FAR2: variants seen among roughly 807,000 people sequenced by gnomAD.
The protein encoded by FAR2 is fatty acyl-CoA reductase 2, also known as epididymis secretory protein Li 81.
In FAR2, 19 loss-of-function variants were observed where a neutral mutation model predicts 56.0. The ratio of observed to expected loss-of-function variants is 0.34; its 90% CI spans 0.24 to 0.50. The LOEUF is 0.50. FAR2 is among the 20% of genes least tolerant of loss of function. The probability of loss-of-function intolerance (pLI) is 0.98; values close to 1 mark genes in which losing one functional copy is unlikely to be tolerated. For synonymous variants in FAR2, 219 were observed against 218.8 expected, an observed-to-expected ratio of 1.00 and a Z score of -0.01; for missense variants, 508 against 642.2, an observed-to-expected ratio of 0.79 and a Z score of 2.26.
In FAR2 at chr12:29,181,284, T is replaced by C. The variant is rs570435246; in HGVS notation, c.-39+31877T>C. ...CTTATTAAACACCTCCTTTGAGTCA[T>C]TAAGGCTAAAATAGTATCATTAATA... On this transcript the variant is annotated intron_variant, in intron 1 of 11. Coordinates refer to ENST00000536681, the MANE Select transcript of FAR2 (RefSeq NM_001271783.2). Among the ~76,000 whole-genome samples, 125 of 152,320 alleles carry C rather than the reference T, an allele frequency of 8.2e-4. 1 individual carries two copies. Among genetic ancestry groups the C allele is most frequent in the African/African-American group, 2.8e-3 (118 of 41,554 alleles).
At chr12:29,273,963 C>A (rs761820927) in intron 2 of FAR2, among the ~76,000 whole-genome samples, 8 of 152,178 alleles carry the variant, frequency 5.3e-5, no homozygotes, top group Non-Finnish European at 8.8e-5. Flanking sequence ...GTGGGTCACA[C>A]CAGCCTTCTA....
intron 10 of FAR2, among the ~76,000 whole-genome samples, chr12:29,329,050 AATATT>A (rs753298947): frequency 9.6e-4 from 146 of 152,264 alleles, no homozygotes; most frequent in Admixed American, 3.8e-3. Flanking sequence ...AAATACAATA[AATATT>A]ATATTAGGCA....
At position 29,275,075 on chromosome 12, in the gene FAR2, G is replaced by A. The variant is rs140880722; in HGVS notation, c.189+4437G>A. The stretch of plus-strand genomic sequence containing the variant: ...CAGGTTGGCACCAAATTTCATGCGC[G>A]TCCATGTGAAGAGACCACCAAACAG... On this transcript the variant is annotated intron_variant, in intron 2 of 11. Coordinates refer to ENST00000536681, the MANE Select transcript of FAR2 (RefSeq NM_001271783.2). Among the ~76,000 whole-genome samples, 444 of 148,672 alleles carry A rather than the reference G, an allele frequency of 3.0e-3. 3 individuals carry two copies. Among genetic ancestry groups the A allele is most frequent in the Non-Finnish European group, 3.7e-3 (251 of 67,492 alleles).
chr12:29,299,810 T>G (rs1949132360), intron 4 of FAR2, among the ~76,000 whole-genome samples: 1 of 152,038 alleles, frequency 6.6e-6, no homozygotes, highest in South Asian at 2.1e-4. Flanking sequence ...ACTCTGTTTG[T>G]CCCTAGAGCT....
chr12:29,233,580 G>T (rs1230652905), intron 1 of FAR2, among the ~76,000 whole-genome samples: 1 of 152,186 alleles, frequency 6.6e-6, no homozygotes, highest in Non-Finnish European at 1.5e-5. Flanking sequence ...ATTAGTAGAT[G>T]TCTCTCCTCG....
At chr12:29,186,169 AT>A (rs1032364528) in intron 1 of FAR2, among the ~76,000 whole-genome samples, 2 of 152,140 alleles carry the variant, frequency 1.3e-5, no homozygotes, top group Non-Finnish European at 2.9e-5. Context: ...TTAATGAGAT[AT>A]TTTTTGTGCT....
chr12:29,284,986 C>T (rs1223742218), intron 2 of FAR2, among the ~76,000 whole-genome samples: 3 of 152,006 alleles, frequency 2.0e-5, no homozygotes, highest in South Asian at 2.1e-4. Context: ...GGACTACAGG[C>T]GCCCGCCACC....
intron 4 of FAR2, among the ~76,000 whole-genome samples, chr12:29,300,426 TAA>T (rs1949144347): frequency 6.6e-6 from 1 of 152,234 alleles, no homozygotes. Context: ...ATAACAACAT[TAA>T]AAATCATTCT....
intron 1 of FAR2, among the ~76,000 whole-genome samples, chr12:29,269,621 G>A (rs1948579556): frequency 6.6e-6 from 1 of 152,216 alleles, no homozygotes; most frequent in Non-Finnish European, 1.5e-5. Context: ...TATGTTTAGA[G>A]ATTGCAGTAA....
chr12:29,210,328 G>A (rs1947530133), intron 1 of FAR2, among the ~76,000 whole-genome samples: 1 of 152,026 alleles, frequency 6.6e-6, no homozygotes, highest in African/African-American at 2.4e-5. Context: ...TCTAATCAAG[G>A]TAACAGAAAC....
In FAR2 at chr12:29,256,605, C is replaced by A. The variant is rs187861987; in HGVS notation, c.-38-13807C>A. On this transcript the variant is annotated intron_variant, in intron 1 of 11. Transcript: ENST00000536681. ...GAGCCCCTTTCTGGGCTGGCCAAGG[C>A]CAGAGCCCACTCCCTCACCTTGCAG... Among the ~76,000 whole-genome samples, 11 of 152,350 alleles carry A rather than the reference C, an allele frequency of 7.2e-5. No homozygotes were observed. The East Asian group carries it at 2.1e-3, about 29-fold the overall frequency.
At chr12:29,309,255 C>T in intron 6 of FAR2, 25 bp downstream of exon 6, 3 of 1,557,480 alleles carry the variant, frequency 1.9e-6, no homozygotes, top group Non-Finnish European at 2.6e-6. Flanking sequence ...GAAGAAATAA[C>T]TCCCTGAAAT....
At chr12:29,213,614 C>T (rs1052556081) in intron 1 of FAR2, among the ~76,000 whole-genome samples, 2 of 148,050 alleles carry the variant, frequency 1.4e-5, no homozygotes, top group African/African-American at 5.0e-5. Flanking sequence ...CGCTTGAATC[C>T]GGGAGACGGA....
At chr12:29,186,134 TCA>T (rs1950037769) in intron 1 of FAR2, among the ~76,000 whole-genome samples, 1 of 152,232 alleles carries the variant, frequency 6.6e-6, no homozygotes, top group South Asian at 2.1e-4. Context: ...CTTTATCATT[TCA>T]ATATGTAATC....
At chr12:29,298,538 A>G (rs2136762579) in intron 4 of FAR2, among the ~76,000 whole-genome samples, 1 of 152,312 alleles carries the variant, frequency 6.6e-6, no homozygotes, top group Non-Finnish European at 1.5e-5. Context: ...GAAGAATGAA[A>G]GTCATCTAAA....
At position 29,332,773 on chromosome 12, in the gene FAR2, A is replaced by G. The variant is rs1279543502; in HGVS notation, c.1385+46A>G. The G allele has an allele frequency of 3.9e-6, 6 of 1,534,922 alleles. No homozygotes were observed. In the Admixed American group the frequency reaches 5.4e-5, roughly 14 times the overall value. On this transcript the variant is annotated intron_variant, in intron 11 of 11. Transcript: ENST00000536681. ...AATATTTATTGAGCACCTACTGTGC[A>G]TCGACTTTATACCAGACATAACATT...
chr12:29,181,135 T>A (rs1949988028), intron 1 of FAR2, among the ~76,000 whole-genome samples: 1 of 152,200 alleles, frequency 6.6e-6, no homozygotes, highest in South Asian at 2.1e-4. Flanking sequence ...ATGCTTAGAA[T>A]CTTTCAAATA....
intron 1 of FAR2, among the ~76,000 whole-genome samples, chr12:29,154,621 G>A (rs1465701050): frequency 3.3e-5 from 5 of 152,052 alleles, no homozygotes; most frequent in African/African-American, 1.2e-4. Flanking sequence ...TTTTAGTAGA[G>A]ACGGGGTTTC....
chr12:29,182,913 A>G (rs887470539), intron 1 of FAR2, among the ~76,000 whole-genome samples: 2 of 150,118 alleles, frequency 1.3e-5, no homozygotes, highest in African/African-American at 4.9e-5. Flanking sequence ...AGGAATTTTC[A>G]GAGGGAATTA....
Sources: gnomAD v4.1 joint callset for allele counts (sites outside exome capture counted in the v4.1 genomes callset) on GRCh38, gnomAD v4.1.1 for gene constraint, MANE v1.5 for transcripts, NCBI Gene and HGNC (gene_info 2026-07-23, HGNC 2026-07-21) for gene names.